Variants in CTNNA2 observed in about 807,000 individuals in gnomAD.
CTNNA2 encodes the protein catenin alpha-2.
In CTNNA2, 42 loss-of-function variants were observed where a neutral mutation model predicts 101.0. The observed-to-expected ratio is 0.42, with a 90% CI of 0.32 to 0.54. CTNNA2 has a LOEUF of 0.54. CTNNA2 is among the 20% of genes least tolerant of loss of function. CTNNA2 has a pLI of 0.14. For missense variants in CTNNA2, 871 were observed against 1,223.1 expected (o/e 0.71, Z 4.29); for synonymous variants, 450 against 456.4 (o/e 0.99, Z 0.18).
intron 1 of CTNNA2, among the ~76,000 whole-genome samples, chr2:79,601,888 A>G (rs1677576086): frequency 6.6e-6 from 1 of 152,252 alleles, no homozygotes; most frequent in Non-Finnish European, 1.5e-5. Context: ...AATACATCTA[A>G]CCTACTGAAC....
chr2:80,213,579 C>T (rs1347251818), intron 7 of CTNNA2, among the ~76,000 whole-genome samples: 3 of 152,126 alleles, frequency 2.0e-5, no homozygotes, highest in East Asian at 1.9e-4. Flanking sequence ...GTCTGAGAGA[C>T]AGTTTGTTAT....
chr2:79,258,981 C>T (rs1198669112), intron 2 of CTNNA2, among the ~76,000 whole-genome samples: 4 of 151,938 alleles, frequency 2.6e-5, no homozygotes, highest in Non-Finnish European at 4.4e-5. Context: ...TCAATTTTGC[C>T]AGTTCCAGGT....
intron 7 of CTNNA2, among the ~76,000 whole-genome samples, chr2:80,027,685 TG>T: frequency 6.6e-6 from 1 of 152,182 alleles, no homozygotes; most frequent in Middle Eastern, 3.4e-3. Flanking sequence ...GGGCGGGGAA[TG>T]CCTGGTGCCG....
At chr2:80,610,579 C>T (rs1349466354) in intron 17 of CTNNA2, among the ~76,000 whole-genome samples, 1 of 151,480 alleles carries the variant, frequency 6.6e-6, no homozygotes, top group African/African-American at 2.4e-5. Context: ...ATGAAAGCCC[C>T]CAGGAAAGTT....
chr2:80,490,344 G>C (rs1451673973), intron 9 of CTNNA2, among the ~76,000 whole-genome samples: 1 of 128,142 alleles, frequency 7.8e-6, no homozygotes, highest in African/African-American at 3.1e-5. Context: ...ACAGTTTCTG[G>C]TCTCTAACAC....
At chr2:80,536,198 A>C (rs1345335548) in intron 9 of CTNNA2, among the ~76,000 whole-genome samples, 3 of 152,200 alleles carry the variant, frequency 2.0e-5, no homozygotes, top group Non-Finnish European at 4.4e-5. Flanking sequence ...ATCAGCACAG[A>C]TAAATGAATA....
At chr2:80,192,622 G>C (rs1706580494) in intron 7 of CTNNA2, among the ~76,000 whole-genome samples, 1 of 152,092 alleles carries the variant, frequency 6.6e-6, no homozygotes, top group Non-Finnish European at 1.5e-5. Context: ...TGCCTCATGG[G>C]TTCAAGCGAT....
intron 2 of CTNNA2, among the ~76,000 whole-genome samples, chr2:79,685,927 A>G (rs1238635223): frequency 6.6e-6 from 1 of 152,110 alleles, no homozygotes; most frequent in South Asian, 2.1e-4. Context: ...AGGTATGTGC[A>G]GCGTACTGAC....
At chr2:79,198,122 A>G (rs1258917013) in intron 2 of CTNNA2, 1 of 152,190 alleles carries the variant, frequency 6.6e-6, no homozygotes, top group Non-Finnish European at 1.5e-5. Flanking sequence ...TGGGATTCAG[A>G]TATGTTAACA....
intron 7 of CTNNA2, among the ~76,000 whole-genome samples, chr2:80,139,769 A>G (rs558695961): frequency 2.0e-5 from 3 of 152,168 alleles, no homozygotes; most frequent in South Asian, 2.1e-4. Context: ...ATTTACATCC[A>G]ATTTCTCTGG....
At chr2:79,377,066 C>T (rs1300694693) in intron 4 of CTNNA2, among the ~76,000 whole-genome samples, 2 of 151,438 alleles carry the variant, frequency 1.3e-5, no homozygotes, top group East Asian at 3.9e-4. Context: ...GCCACACTGA[C>T]TTCCACAATG....
chr2:79,200,639 G>C (rs1319413499), intron 2 of CTNNA2, among the ~76,000 whole-genome samples: 1 of 152,036 alleles, frequency 6.6e-6, no homozygotes, highest in Non-Finnish European at 1.5e-5. Flanking sequence ...GAAGGAAACA[G>C]AATTCATTCA....
chr2:79,879,425 A>G (rs1683260545), intron 6 of CTNNA2, among the ~76,000 whole-genome samples: 1 of 152,106 alleles, frequency 6.6e-6, no homozygotes, highest in Admixed American at 6.6e-5. Flanking sequence ...GGCCATTTTC[A>G]CAATGCTGAT....
intron 7 of CTNNA2, among the ~76,000 whole-genome samples, chr2:80,203,526 G>A (rs1435983066): frequency 1.3e-5 from 2 of 152,202 alleles, no homozygotes; most frequent in Non-Finnish European, 2.9e-5. Flanking sequence ...GATCTCTTTT[G>A]ACTCCATGTC....
At chr2:80,469,307 T>C (rs1457707027) in intron 9 of CTNNA2, among the ~76,000 whole-genome samples, 2 of 152,178 alleles carry the variant, frequency 1.3e-5, no homozygotes, top group African/African-American at 2.4e-5. Flanking sequence ...CTCCAAGTAA[T>C]TGATAATTGT....
chr2:80,524,239 A>G (rs1479750834), intron 9 of CTNNA2, among the ~76,000 whole-genome samples: 3 of 152,156 alleles, frequency 2.0e-5, no homozygotes, highest in Non-Finnish European at 4.4e-5. Context: ...AAGTGTTCTC[A>G]TCTGTAAATT....
At chr2:79,905,285 GATAAA>G (rs1685343923) in intron 6 of CTNNA2, among the ~76,000 whole-genome samples, 1 of 151,984 alleles carries the variant, frequency 6.6e-6, no homozygotes. Flanking sequence ...ATAAGAAAAA[GATAAA>G]ATAAGAAATG....
intron 2 of CTNNA2, among the ~76,000 whole-genome samples, chr2:79,682,153 A>C (rs935139638): frequency 6.6e-6 from 1 of 152,108 alleles, no homozygotes; most frequent in Non-Finnish European, 1.5e-5. Context: ...TCACGCCTGT[A>C]ATCCCAGCAC....
chr2:80,522,557 A>AT (rs1424882503), intron 9 of CTNNA2, among the ~76,000 whole-genome samples: 4 of 151,912 alleles, frequency 2.6e-5, no homozygotes, highest in Non-Finnish European at 4.4e-5. Context: ...TATCCTGGAG[A>AT]TTTTTGTCCC....
Sources: gnomAD v4.1 joint callset for allele counts (sites outside exome capture counted in the v4.1 genomes callset) on GRCh38, gnomAD v4.1.1 for gene constraint, MANE v1.5 for transcripts, NCBI Gene and HGNC (gene_info 2026-07-23, HGNC 2026-07-21) for gene names.